Variants in SOX5 observed in about 807,000 individuals in gnomAD.
SOX5 encodes the protein transcription factor SOX-5.
In SOX5, 9 loss-of-function variants were observed where a neutral mutation model predicts 92.0. The ratio of observed to expected loss-of-function variants is 0.10; its 90% confidence interval spans 0.06 to 0.17. SOX5 has a LOEUF of 0.17. SOX5 is among the 10% of genes least tolerant of loss of function. The probability of loss-of-function intolerance (pLI) is 1.00; values close to 1 mark genes in which losing one functional copy is unlikely to be tolerated. For synonymous variants in SOX5, 344 were observed against 336.3 expected (o/e 1.02, Z -0.25); for missense variants, 642 against 944.5 (o/e 0.68, Z 4.20).
At chr12:24,534,666 T>C (rs916549464) in intron 1 of SOX5, among the ~76,000 whole-genome samples, 1 of 152,220 alleles carries the variant, frequency 6.6e-6, no homozygotes, top group Non-Finnish European at 1.5e-5. Context: ...ATGTTTAACG[T>C]GTTCACTGAG....
intron 4 of SOX5, among the ~76,000 whole-genome samples, chr12:24,154,346 A>G (rs1951950590): frequency 6.6e-6 from 1 of 152,128 alleles, no homozygotes; most frequent in African/African-American, 2.4e-5. Context: ...ACTGACTATT[A>G]TGAAGTTTTA....
chr12:23,848,239 T>C (rs557796466), intron 2 of SOX5, among the ~76,000 whole-genome samples: 85 of 152,124 alleles, frequency 5.6e-4, no homozygotes, highest in African/African-American at 2.0e-3. Context: ...TAATTGAAAA[T>C]TACAATGAAA....
At chr12:23,591,988 A>T (rs1017455423) in intron 9 of SOX5, among the ~76,000 whole-genome samples, 1 of 152,142 alleles carries the variant, frequency 6.6e-6, no homozygotes, top group Non-Finnish European at 1.5e-5. Flanking sequence ...AAAATTGTAA[A>T]GCAAATCATA....
chr12:24,174,679 G>C (rs34567190), intron 4 of SOX5, among the ~76,000 whole-genome samples: 4,971 of 152,242 alleles, frequency 0.033, 99 homozygotes, highest in South Asian at 0.067. Flanking sequence ...AAATTAGCCA[G>C]GTGTGGTGGC....
intron 2 of SOX5, among the ~76,000 whole-genome samples, chr12:23,847,213 C>T (rs1020103680): frequency 1.1e-4 from 17 of 152,106 alleles, no homozygotes; most frequent in Non-Finnish European, 2.5e-4. Flanking sequence ...ACAAAACAGA[C>T]ATCTTAAACA....
chr12:23,969,922 G>A (rs1948030913), intron 4 of SOX5, among the ~76,000 whole-genome samples: 1 of 152,126 alleles, frequency 6.6e-6, no homozygotes, highest in Non-Finnish European at 1.5e-5. Context: ...TGAGCTCAAG[G>A]ACGCAAGTGT....
rs183700522 is a variant in SOX5 at position 24,507,831 on chromosome 12, C to G, written c.-251+54498G>C. ...GATAAATGAAACAGTATGTCAAAAT[C>G]TAACATTGAATATAATAATTGTTTA... On this transcript the variant is annotated intron_variant, in intron 1 of 4. Coordinates refer to the SOX5 transcript ENST00000446891. Among the ~76,000 whole-genome samples, 305 of 140,578 alleles carry G rather than the reference C, an allele frequency of 2.2e-3. 2 individuals are homozygous for G. The highest frequency in any genetic ancestry group is 0.017 in the Admixed American group (251 of 14,584). 92.2% of individuals were successfully genotyped at this position (140,578 alleles called of 152,430 possible).
intron 3 of SOX5, among the ~76,000 whole-genome samples, chr12:23,838,757 C>T (rs148124693): frequency 3.6e-3 from 533 of 148,306 alleles, no homozygotes; most frequent in African/African-American, 4.7e-3. Context: ...CTGCTATGGA[C>T]GCGCTATTGC....
chr12:23,944,156 A>G (rs1250792122), intron 1 of SOX5: 1 of 152,060 alleles, frequency 6.6e-6, no homozygotes, highest in Non-Finnish European at 1.5e-5. Context: ...CCATATCCCT[A>G]TAAACAGTTC....
chr12:23,945,022 G>A (rs1258841255), intron 1 of SOX5, among the ~76,000 whole-genome samples: 1 of 152,096 alleles, frequency 6.6e-6, no homozygotes, highest in Non-Finnish European at 1.5e-5. Context: ...TCTATAAAAA[G>A]GGAGGTATTC....
At chr12:24,033,153 G>C (rs940148384) in intron 4 of SOX5, among the ~76,000 whole-genome samples, 3 of 151,890 alleles carry the variant, frequency 2.0e-5, no homozygotes, top group Non-Finnish European at 4.4e-5. Context: ...TTTCTCCAAA[G>C]CCAGTAACTT....
intron 6 of SOX5, among the ~76,000 whole-genome samples, chr12:23,688,193 T>C (rs1201559930): frequency 6.6e-6 from 1 of 152,070 alleles, no homozygotes; most frequent in Non-Finnish European, 1.5e-5. Context: ...AGCAATACAA[T>C]GATATAGTTC....
chr12:24,059,647 C>G (rs997293649), intron 4 of SOX5, among the ~76,000 whole-genome samples: 1 of 152,110 alleles, frequency 6.6e-6, no homozygotes, highest in Non-Finnish European at 1.5e-5. Flanking sequence ...ATATCTGACC[C>G]CCTGCCCCAA....
chr12:23,794,277 G>A (rs997892459), intron 3 of SOX5, among the ~76,000 whole-genome samples: 1 of 151,874 alleles, frequency 6.6e-6, no homozygotes, highest in Non-Finnish European at 1.5e-5. Context: ...TTAAATAAAC[G>A]TTTATATAGG....
intron 4 of SOX5, among the ~76,000 whole-genome samples, chr12:24,177,859 T>C (rs1043710487): frequency 2.6e-5 from 4 of 152,186 alleles, no homozygotes; most frequent in African/African-American, 9.7e-5. Context: ...ATTCAAAAGA[T>C]GCATTGCGAT....
In SOX5 at chr12:24,117,658, A is replaced by C. The variant is rs150637957; in HGVS notation, c.-2+95685T>G. ...CGTTAGAATAGAAGGAAATTCTGTCATTCACGACCACATGAATGGAACTGG... is the reference window on the plus strand; with the variant it reads ...CGTTAGAATAGAAGGAAATTCTGTCCTTCACGACCACATGAATGGAACTGG... On this transcript the variant is annotated intron_variant, in intron 4 of 4. Transcript: ENST00000446891. Among the ~76,000 whole-genome samples, 39 of 152,330 alleles carry C rather than the reference A, an allele frequency of 2.6e-4. No individual in the cohort carries two copies. The East Asian group carries it at 6.9e-3, about 27-fold the overall frequency.
At chr12:24,015,026 G>T (rs956727480) in intron 4 of SOX5, among the ~76,000 whole-genome samples, 1 of 151,922 alleles carries the variant, frequency 6.6e-6, no homozygotes, top group African/African-American at 2.4e-5. Context: ...ATAAGCCTGG[G>T]CTAGGCAGAA....
chr12:24,443,557 AT>A (rs1341189277), intron 1 of SOX5, among the ~76,000 whole-genome samples: 1 of 152,224 alleles, frequency 6.6e-6, no homozygotes, highest in Non-Finnish European at 1.5e-5. Flanking sequence ...AGGGGCATGC[AT>A]TGTTGACACA....
intron 9 of SOX5, among the ~76,000 whole-genome samples, chr12:23,599,586 C>G (rs763740024): frequency 1.3e-5 from 2 of 152,178 alleles, no homozygotes; most frequent in Non-Finnish European, 2.9e-5. Flanking sequence ...AAGTTTCCGT[C>G]AAACACCAAG....
Sources: allele counts gnomAD v4.1 joint callset (sites outside exome capture counted in the v4.1 genomes callset), GRCh38; gene constraint gnomAD v4.1.1; transcripts MANE v1.5; gene names NCBI Gene and HGNC (gene_info 2026-07-23, HGNC 2026-07-21).